The following MTUS2 variants were observed in gnomAD, a reference collection of about 807,000 sequenced individuals.
The protein encoded by MTUS2 is microtubule associated scaffold protein 2.
MTUS2 carries 40 observed loss-of-function variants against 114.1 expected under a neutral mutation model. That is an observed-to-expected ratio of 0.35 (90% confidence interval 0.27 to 0.46). The LOEUF is 0.46. Ranked by LOEUF, MTUS2 falls within the 20% of genes least tolerant of loss-of-function variation. MTUS2 has a pLI of 1.00. For missense variants in MTUS2, 1,679 were observed against 1,705.4 expected (o/e 0.98, Z 0.27); for synonymous variants, 688 against 672.0 (o/e 1.02, Z -0.37).
At chr13:29,081,152 T>A (rs546357726) in intron 4 of MTUS2, among the ~76,000 whole-genome samples, 1 of 151,966 alleles carries the variant, frequency 6.6e-6, no homozygotes, top group South Asian at 2.1e-4. Context: ...TTTATTGAGG[T>A]TAGGGTATAG....
chr13:28,847,672 T>C (rs1194923491), intron 2 of MTUS2, among the ~76,000 whole-genome samples: 2 of 152,202 alleles, frequency 1.3e-5, no homozygotes, highest in Non-Finnish European at 1.5e-5. Context: ...CTTGATAGCA[T>C]CTTCCTAGAC....
chr13:28,933,172 G>C (rs1387133150), intron 2 of MTUS2, among the ~76,000 whole-genome samples: 1 of 149,012 alleles, frequency 6.7e-6, no homozygotes, highest in East Asian at 2.0e-4. Context: ...CAGATTGATT[G>C]ATCTGTTAAC....
chr13:28,835,778 A>G (rs9579248), intron 1 of MTUS2, among the ~76,000 whole-genome samples: 73,126 of 152,046 alleles, frequency 0.48, 18,223 homozygotes, highest in Non-Finnish European at 0.53. Context: ...TAAAATATCT[A>G]GATTGGAAGA....
intron 4 of MTUS2, among the ~76,000 whole-genome samples, chr13:29,073,801 G>T (rs1243588610): frequency 6.6e-6 from 1 of 152,058 alleles, no homozygotes; most frequent in Non-Finnish European, 1.5e-5. Context: ...CCCTACAAAT[G>T]ATTGTATTTT....
Position 29,504,424 on chromosome 13 carries a change from A to T in MTUS2, c.*1218A>T, listed in dbSNP as rs1883103452. 1 of 230,660 alleles carries T rather than the reference A, an allele frequency of 4.3e-6. No homozygotes were observed. Among genetic ancestry groups the T allele is most frequent in the South Asian group, 1.9e-4 (1 of 5,376 alleles). 14.3% of individuals were successfully genotyped at this position (230,660 alleles called of 1,614,324 possible). A position where few individuals can be genotyped will look rare whatever the true frequency, so the allele number is the denominator to read the frequency against. Reference sequence around the variant, plus strand: ...AAAAACACCATTTCTGTCCCGGGGGACCAGTTCTGAGCTGTGCTAGATCAT... The same window carrying T: ...AAAAACACCATTTCTGTCCCGGGGGTCCAGTTCTGAGCTGTGCTAGATCAT... On this transcript the variant is annotated 3_prime_UTR_variant, in exon 16 of 16. Coordinates refer to ENST00000612955, the MANE Select transcript of MTUS2 (RefSeq NM_001033602.4).
chr13:28,962,249 A>G (rs142670709), intron 2 of MTUS2, among the ~76,000 whole-genome samples: 2 of 152,196 alleles, frequency 1.3e-5, no homozygotes, highest in African/African-American at 4.8e-5. Context: ...GTACTCTTCC[A>G]CCAGTCAAGT....
chr13:29,243,574 C>A (rs1456117707), intron 5 of MTUS2, among the ~76,000 whole-genome samples: 1 of 152,138 alleles, frequency 6.6e-6, no homozygotes, highest in Admixed American at 6.5e-5. Context: ...AGAACTAAAG[C>A]CTTGAAGCCT....
At chr13:28,871,185 T>C (rs1325537462) in intron 2 of MTUS2, among the ~76,000 whole-genome samples, 2 of 152,184 alleles carry the variant, frequency 1.3e-5, no homozygotes, top group East Asian at 3.8e-4. Flanking sequence ...ATTTTTATAA[T>C]TATTAAATAT....
chr13:29,126,107 A>G (rs1036427862), intron 5 of MTUS2, among the ~76,000 whole-genome samples: 1 of 152,186 alleles, frequency 6.6e-6, no homozygotes, highest in Admixed American at 6.5e-5. Flanking sequence ...CTACTTTGAC[A>G]CGCATTTAAC....
At chr13:28,894,494 C>T (rs1225450796) in intron 2 of MTUS2, among the ~76,000 whole-genome samples, 1 of 152,058 alleles carries the variant, frequency 6.6e-6, no homozygotes, top group Non-Finnish European at 1.5e-5. Flanking sequence ...GACTTCCATC[C>T]TCAAGAACTG....
At chr13:28,957,210 AGTGTCT>A (rs1883113371) in intron 2 of MTUS2, among the ~76,000 whole-genome samples, 1 of 152,186 alleles carries the variant, frequency 6.6e-6, no homozygotes, top group Non-Finnish European at 1.5e-5. Flanking sequence ...AGTTGGTGTT[AGTGTCT>A]GGTATCCTTT....
At chr13:28,869,505 G>T (rs1877493811) in intron 2 of MTUS2, among the ~76,000 whole-genome samples, 1 of 152,180 alleles carries the variant, frequency 6.6e-6, no homozygotes, top group Non-Finnish European at 1.5e-5. Context: ...AGGCACAGTG[G>T]CTTATACCTG....
intron 2 of MTUS2, among the ~76,000 whole-genome samples, chr13:28,958,508 A>G (rs1030647245): frequency 1.3e-5 from 2 of 152,220 alleles, no homozygotes; most frequent in Admixed American, 6.5e-5. Flanking sequence ...AGAGTCTGTT[A>G]TTCTTAGTCT....
intron 8 of MTUS2, among the ~76,000 whole-genome samples, chr13:29,409,995 G>T (rs892507069): frequency 6.6e-6 from 1 of 152,070 alleles, no homozygotes; most frequent in African/African-American, 2.4e-5. Context: ...AGATTAAAAA[G>T]AAAGTACATG....
Position 29,437,121 on chromosome 13 carries a change from C to T in MTUS2, c.3118-2862C>T, listed in dbSNP as rs77825305. Among the ~76,000 whole-genome samples the T allele has an allele frequency of 5.3e-5, 8 of 152,280 alleles. No homozygotes were observed. The East Asian group carries it at 9.6e-4, about 18-fold the overall frequency. ...GATCCCTAGGGCATGACTCTGATAA[C>T]GTCCAGCAGGGGCCATGACAGGGAG... On this transcript the variant is annotated intron_variant, in intron 8 of 15. Transcript: ENST00000612955.
At chr13:29,050,303 C>T (rs908841273) in intron 4 of MTUS2, among the ~76,000 whole-genome samples, 1 of 152,042 alleles carries the variant, frequency 6.6e-6, no homozygotes, top group Non-Finnish European at 1.5e-5. Flanking sequence ...CTGGAACTCC[C>T]CCTTATGCAA....
At chr13:28,948,921 G>T (rs953191030) in intron 2 of MTUS2, among the ~76,000 whole-genome samples, 7 of 152,156 alleles carry the variant, frequency 4.6e-5, no homozygotes, top group Non-Finnish European at 8.8e-5. Flanking sequence ...GTCCCCCTTT[G>T]GACTTAAGGT....
At chr13:29,296,372 T>C (rs1898944833) in intron 6 of MTUS2, among the ~76,000 whole-genome samples, 3 of 152,036 alleles carry the variant, frequency 2.0e-5, no homozygotes, top group Admixed American at 2.0e-4. Context: ...GCTTGGCCAA[T>C]TAAAAAAAAT....
intron 5 of MTUS2, among the ~76,000 whole-genome samples, chr13:29,145,058 G>A (rs946866699): frequency 6.6e-6 from 1 of 152,114 alleles, no homozygotes; most frequent in African/African-American, 2.4e-5. Flanking sequence ...TTTATAATTG[G>A]ATCTGCCAGG....
Sources: allele counts gnomAD v4.1 joint callset (sites outside exome capture counted in the v4.1 genomes callset), GRCh38; gene constraint gnomAD v4.1.1; transcripts MANE v1.5; gene names NCBI Gene and HGNC (gene_info 2026-07-23, HGNC 2026-07-21).